The following CPNE2 variants were observed in gnomAD, a reference collection of about 807,000 sequenced individuals.
CPNE2 encodes the protein copine-2.
Under a neutral mutation model 69.7 loss-of-function variants are expected in CPNE2, and 42 were observed. That is an observed-to-expected ratio of 0.60 (90% CI 0.47 to 0.78). The LOEUF is 0.78. CPNE2 is among the 30% of genes least tolerant of loss of function. The probability of loss-of-function intolerance (pLI) is 0.00; values close to 1 mark genes in which losing one functional copy is unlikely to be tolerated. For synonymous variants in CPNE2, 294 were observed against 289.8 expected (o/e 1.01, Z -0.15); for missense variants, 587 against 732.0 (o/e 0.80, Z 2.29).
At chr16:57,106,865 G>A (rs1183838361) in intron 1 of CPNE2, among the ~76,000 whole-genome samples, 2 of 152,186 alleles carry the variant, frequency 1.3e-5, no homozygotes, top group Non-Finnish European at 2.9e-5. Flanking sequence ...CAACCTGCCC[G>A]CTTAGCCTCA....
At position 57,139,666 on chromosome 16, in the gene CPNE2, G is replaced by A. The variant is rs993453647; in HGVS notation, c.1302+2384G>A. On this transcript the variant is annotated intron_variant, in intron 14 of 15. Transcript: ENST00000290776. ...GAGTCAGTTAGGTCTGATTTCTTTC[G>A]CTGTCATAATTTCCTCAGTTATAAT... 3.3e-5 allele frequency among the ~76,000 whole-genome samples: 5 copies of A among 152,138 alleles called. No homozygotes were observed. The East Asian group carries it at 7.7e-4, about 23-fold the overall frequency.
chr16:57,119,332 C>T, intron 6 of CPNE2, 54 bp downstream of exon 6: 1 of 1,558,154 alleles, frequency 6.4e-7, no homozygotes, highest in African/African-American at 1.4e-5. Flanking sequence ...AGTCCAGCCC[C>T]TCCACAGCTC....
chr16:57,137,106 G>A, intron 13 of CPNE2, 43 bp from the exon 14 acceptor site: 1 of 1,606,964 alleles, frequency 6.2e-7, no homozygotes, highest in Non-Finnish European at 8.5e-7. Context: ...GTGGGTATGG[G>A]GTCAGGGAGA....
chr16:57,098,517 G>T (rs1312540843), intron 1 of CPNE2, among the ~76,000 whole-genome samples: 3 of 152,230 alleles, frequency 2.0e-5, no homozygotes, highest in African/African-American at 7.2e-5. Flanking sequence ...GATGCAGGAT[G>T]TTGGGGCAGC....
Position 57,097,597 on chromosome 16 carries a change from G to T in CPNE2, c.-36+4807G>T, listed in dbSNP as rs529957258. Reference sequence around the variant, plus strand: ...GTATGAAGAAACTGAGGCTAGAGAGGTTAGGACACATGGCCCAGGTTGCAT... The same window carrying T: ...GTATGAAGAAACTGAGGCTAGAGAGTTTAGGACACATGGCCCAGGTTGCAT... On this transcript the variant is annotated intron_variant, in intron 1 of 15. Coordinates refer to ENST00000290776, the MANE Select transcript of CPNE2 (RefSeq NM_152727.6). Among the ~76,000 whole-genome samples the T allele has an allele frequency of 2.0e-5, 3 of 152,314 alleles. No homozygotes were observed. In the South Asian group the frequency reaches 6.2e-4, roughly 32 times the overall value.
rs770492619 is a variant in CPNE2 at position 57,113,369 on chromosome 16, G to A, written c.262G>A (p.Val88Ile). ...CGTGCTTGACTACCACTTCGAGGAG[G>A]TACAGAAGCTCAAGTTCGCGCTCTT... ...KFVLDYHFEE[V>I]QKLKFALFDQ... Residue 88 changes from valine (V) to isoleucine (I), a missense_variant, in exon 3 of 16, where the codon GTA becomes ATA. Physicochemically the swap from Val to Ile is conservative, Grantham distance 29. This residue lies in a region of CPNE2 where 34 missense variants were observed against 67.1 expected (regional missense o/e 0.51). Coordinates refer to ENST00000290776, the MANE Select transcript of CPNE2 (RefSeq NM_152727.6). The A allele has an allele frequency of 4.3e-6, 7 of 1,614,070 alleles. No homozygotes were observed. Among genetic ancestry groups the A allele is most frequent in the South Asian group, 3.3e-5 (3 of 91,086 alleles).
chr16:57,109,889 A>G (rs2069669782), intron 1 of CPNE2, among the ~76,000 whole-genome samples: 1 of 152,294 alleles, frequency 6.6e-6, no homozygotes, highest in South Asian at 2.1e-4. Context: ...CCCAGTTCCT[A>G]TTCAAGATGG....
At chr16:57,122,623 C>T (rs2069771309) in intron 9 of CPNE2, among the ~76,000 whole-genome samples, 2 of 152,204 alleles carry the variant, frequency 1.3e-5, no homozygotes, top group Admixed American at 1.3e-4. Flanking sequence ...GACAGAGTCT[C>T]ACTGTGTTGC....
intron 1 of CPNE2, among the ~76,000 whole-genome samples, chr16:57,107,144 C>T (rs1298233071): frequency 6.6e-6 from 1 of 152,198 alleles, no homozygotes; most frequent in Non-Finnish European, 1.5e-5. Flanking sequence ...CCCTGTCTGC[C>T]CCCTTCCCCA....
chr16:57,134,245 C>T (rs2069860149), intron 12 of CPNE2, among the ~76,000 whole-genome samples: 1 of 152,190 alleles, frequency 6.6e-6, no homozygotes. Context: ...TTGCAGCCCC[C>T]TTACACTCCC....
intron 7 of CPNE2, 110 bp downstream of exon 7, chr16:57,119,760 C>A (rs562584084): frequency 4.4e-6 from 3 of 680,434 alleles, no homozygotes; most frequent in Non-Finnish European, 7.4e-6. Flanking sequence ...ACAAGTGGAA[C>A]GAACCCCCAT....
intron 12 of CPNE2, 118 bp downstream of exon 12, chr16:57,128,021 G>A (rs2069812670): frequency 3.0e-6 from 3 of 989,796 alleles, no homozygotes; most frequent in African/African-American, 3.2e-5. Flanking sequence ...CCTTCCCTGT[G>A]TTCACCCCAG....
chr16:57,119,520 G>T, intron 6 of CPNE2, 41 bp from the exon 7 acceptor site: 1 of 1,554,898 alleles, frequency 6.4e-7, no homozygotes, highest in African/African-American at 1.4e-5. Context: ...GAGCACTGCT[G>T]CCCAGGGCCT....
chr16:57,101,468 T>C (rs1365299668), intron 1 of CPNE2, among the ~76,000 whole-genome samples: 1 of 152,226 alleles, frequency 6.6e-6, no homozygotes, highest in East Asian at 1.9e-4. Flanking sequence ...CTGAGGGTTC[T>C]GGTTAACAGA....
chr16:57,133,124 C>T (rs915011913), intron 12 of CPNE2, among the ~76,000 whole-genome samples: 5 of 152,122 alleles, frequency 3.3e-5, no homozygotes, highest in Admixed American at 2.0e-4. Context: ...AAGCCCCCCT[C>T]GTAATCTCTA....
chr16:57,119,370 C>T, intron 6 of CPNE2, 92 bp downstream of exon 6: 1 of 1,380,880 alleles, frequency 7.2e-7, no homozygotes, highest in Non-Finnish European at 1.0e-6. Context: ...GTCACAGCCG[C>T]TCAGTGTGCA....
At chr16:57,094,136 C>T (rs1178097021) in intron 1 of CPNE2, 1 of 454,348 alleles carries the variant, frequency 2.2e-6, no homozygotes, top group Admixed American at 2.4e-5. Context: ...GAAGGGGTCA[C>T]CCAGGCAGGT....
At chr16:57,142,213 G>C (rs899628394) in intron 14 of CPNE2, 2 of 152,408 alleles carry the variant, frequency 1.3e-5, no homozygotes, top group Non-Finnish European at 2.9e-5. Flanking sequence ...AGGAGGCAGG[G>C]AGACTAAGCC....
intron 1 of CPNE2, among the ~76,000 whole-genome samples, chr16:57,099,175 T>C (rs2069597412): frequency 1.3e-5 from 2 of 152,182 alleles, no homozygotes; most frequent in South Asian, 4.1e-4. Context: ...GTTTTGTCCA[T>C]GTTTAAGGGC....
Sources: gnomAD v4.1 joint callset for allele counts (sites outside exome capture counted in the v4.1 genomes callset) on GRCh38, gnomAD v4.1.1 for gene constraint, gnomAD v4.1.1 regional missense constraint, MANE v1.5 for transcripts, NCBI Gene and HGNC (gene_info 2026-07-23, HGNC 2026-07-21) for gene names.